Variants in PRDM16 observed in about 807,000 individuals in gnomAD.
PRDM16 encodes the protein histone-lysine N-methyltransferase PRDM16.
PRDM16 carries 23 observed loss-of-function variants against 110.6 expected under a neutral mutation model. The ratio of observed to expected loss-of-function variants is 0.21; its 90% CI spans 0.15 to 0.29. The LOEUF is 0.29. Among genes scored for constraint, PRDM16 ranks in the 10% least tolerant of loss-of-function variants. PRDM16 has a pLI of 1.00. For synonymous variants in PRDM16, 799 were observed against 781.8 expected, an observed-to-expected ratio of 1.02 and a Z score of -0.37; for missense variants, 1,615 against 1,794.3, an observed-to-expected ratio of 0.90 and a Z score of 1.81.
Position 3,198,445 on chromosome 1 carries a change from C to T in PRDM16, c.387+11971C>T, listed in dbSNP as rs77023598. On this transcript the variant is annotated intron_variant, in intron 2 of 16. Transcript: ENST00000270722. ...TATTCTCACTCAGCTGCCAGGATGC[C>T]GTGAGTGTGTCTGCTGTGCAGGGGA... Among the ~76,000 whole-genome samples the T allele has an allele frequency of 2.6e-5, 4 of 152,350 alleles. No individual in the cohort carries two copies. In the East Asian group the frequency reaches 5.8e-4, roughly 22 times the overall value.
intron 9 of PRDM16, 38 bp downstream of exon 9, chr1:3,412,838 C>T (rs750350418): frequency 1.2e-4 from 163 of 1,413,164 alleles, no homozygotes; most frequent in Non-Finnish European, 1.3e-4. Context: ...CTCCCTGGGG[C>T]GGGGCCGCGG....
chr1:3,102,608 T>C (rs1642559108), intron 1 of PRDM16, among the ~76,000 whole-genome samples: 1 of 152,246 alleles, frequency 6.6e-6, no homozygotes, highest in African/African-American at 2.4e-5. Flanking sequence ...GCACTGTGCA[T>C]GGAGTTTGCC....
chr1:3,365,531 T>A (rs956741704), intron 3 of PRDM16, among the ~76,000 whole-genome samples: 2 of 152,200 alleles, frequency 1.3e-5, no homozygotes, highest in African/African-American at 4.8e-5. Flanking sequence ...CTGAAAGAGC[T>A]CTGGACCATG....
At chr1:3,176,053 A>C (rs1213942850) in intron 1 of PRDM16, among the ~76,000 whole-genome samples, 2 of 150,712 alleles carry the variant, frequency 1.3e-5, no homozygotes, top group Non-Finnish European at 2.9e-5. Flanking sequence ...CCCCTCATCC[A>C]TCCATCCAAC....
At chr1:3,391,007 G>A (rs1643291525) in intron 4 of PRDM16, among the ~76,000 whole-genome samples, 1 of 152,038 alleles carries the variant, frequency 6.6e-6, no homozygotes, top group Non-Finnish European at 1.5e-5. Flanking sequence ...GGCTTATTTT[G>A]TATTTTTTAG....
At chr1:3,294,306 C>A (rs1641039970) in intron 3 of PRDM16, among the ~76,000 whole-genome samples, 1 of 152,076 alleles carries the variant, frequency 6.6e-6, no homozygotes, top group Non-Finnish European at 1.5e-5. Flanking sequence ...GGAGGGCACC[C>A]CCGGACTTCT....
At chr1:3,319,789 T>C (rs890850939) in intron 3 of PRDM16, among the ~76,000 whole-genome samples, 3 of 152,158 alleles carry the variant, frequency 2.0e-5, no homozygotes, top group African/African-American at 7.2e-5. Flanking sequence ...TGGAAGCCAT[T>C]GTTCACCAGC....
intron 3 of PRDM16, among the ~76,000 whole-genome samples, chr1:3,337,398 C>G (rs1255740976): frequency 6.6e-6 from 1 of 152,226 alleles, no homozygotes; most frequent in African/African-American, 2.4e-5. Flanking sequence ...ACTGCTGCTC[C>G]TGAGGCTGTG....
At chr1:3,323,782 G>A (rs572345604) in intron 3 of PRDM16, among the ~76,000 whole-genome samples, 2 of 152,248 alleles carry the variant, frequency 1.3e-5, no homozygotes, top group East Asian at 3.8e-4. Context: ...GCTTTTCCCC[G>A]AGTATTTACA....
intron 1 of PRDM16, among the ~76,000 whole-genome samples, chr1:3,134,859 G>T (rs564163510): frequency 2.0e-5 from 3 of 152,222 alleles, no homozygotes; most frequent in African/African-American, 7.2e-5. Context: ...ACCCGAACCC[G>T]CGTGGGACAC....
In PRDM16 at chr1:3,435,004, G is replaced by A. The variant is rs1638868549; in HGVS notation, c.*1193G>A. The A allele has an allele frequency of 8.8e-6, 2 of 227,682 alleles. No individual in the cohort carries two copies. The highest frequency in any genetic ancestry group is 1.7e-5 in the Non-Finnish European group (2 of 114,464). The allele number at this position is 227,682 out of a possible 1,614,324, so 14.1% of individuals were successfully genotyped here. ...GGATGGACGACACAGTCGTCACGTC[G>A]CTCTTCCTGCGGGTTCTTGGCGAGA... On this transcript the variant is annotated 3_prime_UTR_variant, in exon 17 of 17. Transcript: ENST00000270722.
chr1:3,166,200 G>C (rs1006827977), intron 1 of PRDM16, among the ~76,000 whole-genome samples: 1 of 152,248 alleles, frequency 6.6e-6, no homozygotes, highest in Non-Finnish European at 1.5e-5. Flanking sequence ...ATAGCCTTTT[G>C]CTTAGCAGAG....
At chr1:3,103,147 C>T (rs1172826781) in intron 1 of PRDM16, among the ~76,000 whole-genome samples, 2 of 152,214 alleles carry the variant, frequency 1.3e-5, no homozygotes, top group Non-Finnish European at 2.9e-5. Flanking sequence ...ACCACCACGC[C>T]TGTCCTGGTG....
In PRDM16 at chr1:3,437,368, T is replaced by G. The variant is rs1274623399; in HGVS notation, c.*3557T>G. 1 of 232,432 alleles carries G rather than the reference T, an allele frequency of 4.3e-6. No homozygotes were observed. Among genetic ancestry groups the G allele is most frequent in the African/African-American group, 2.2e-5 (1 of 45,292 alleles). The allele number at this position is 232,432 out of a possible 1,614,324, so 14.4% of individuals were successfully genotyped here. A position where few individuals can be genotyped will look rare whatever the true frequency, so the allele number is the denominator to read the frequency against. ...ACTTGCCTGAATACATATCACGTAT[T>G]TTAGACTCGAAGCCTCAAAGCACTG... is the stretch of plus-strand genomic sequence containing the variant. On this transcript the variant is annotated 3_prime_UTR_variant, in exon 17 of 17. Coordinates refer to ENST00000270722, the MANE Select transcript of PRDM16 (RefSeq NM_022114.4).
At chr1:3,142,388 A>G (rs1643567248) in intron 1 of PRDM16, among the ~76,000 whole-genome samples, 1 of 152,198 alleles carries the variant, frequency 6.6e-6, no homozygotes, top group East Asian at 1.9e-4. Context: ...GGCTCCTGCC[A>G]GAGACCTGAG....
chr1:3,430,051 C>T (rs959575908), intron 14 of PRDM16, among the ~76,000 whole-genome samples: 4 of 152,188 alleles, frequency 2.6e-5, no homozygotes, highest in African/African-American at 7.2e-5. Context: ...CGTGCCCTGC[C>T]CTTTGCTTGG....
At chr1:3,409,675 TGTGTGTGTGC>T (rs1364168273) in intron 8 of PRDM16, among the ~76,000 whole-genome samples, 3 of 149,760 alleles carry the variant, frequency 2.0e-5, no homozygotes, top group Non-Finnish European at 4.5e-5. Context: ...GTGTCTGTGG[TGTGTGTGTGC>T]GTGTGTGTGG....
At position 3,411,693 on chromosome 1, in the gene PRDM16, C is replaced by T; in HGVS notation, c.1496C>T (p.Pro499Leu). The T allele has an allele frequency of 6.2e-7, 1 of 1,610,488 alleles. No homozygotes were observed. Residue 499 changes from proline to leucine, a missense_variant, in exon 9 of 17, where the codon CCC becomes CTC. Pro to Leu is a moderately conservative substitution (Grantham distance 98). Coordinates refer to ENST00000270722, the MANE Select transcript of PRDM16 (RefSeq NM_022114.4). ...TCCAGGCCGCACCCGGGGAGCCTGCCCTTCTCCACGGCGCCTCCCACGTTC... is the reference window on the plus strand; with the variant it reads ...TCCAGGCCGCACCCGGGGAGCCTGCTCTTCTCCACGGCGCCTCCCACGTTC... The part of the protein sequence containing the change: ...FPSRPHPGSL[P>L]FSTAPPTFPA...
At chr1:3,431,405 A>T (rs541965069) in intron 15 of PRDM16, among the ~76,000 whole-genome samples, 2 of 152,010 alleles carry the variant, frequency 1.3e-5, no homozygotes, top group South Asian at 4.2e-4. Flanking sequence ...CCTGCAGCAG[A>T]GCTGCCTGTC....
Sources: gnomAD v4.1 joint callset for allele counts (sites outside exome capture counted in the v4.1 genomes callset) on GRCh38, gnomAD v4.1.1 for gene constraint, MANE v1.5 for transcripts, NCBI Gene and HGNC (gene_info 2026-07-23, HGNC 2026-07-21) for gene names.